The following MEAK7 variants were observed in gnomAD, a reference collection of about 807,000 sequenced individuals.
The protein encoded by MEAK7 is MTOR-associated protein MEAK7.
Under a neutral mutation model 40.5 loss-of-function variants are expected in MEAK7, and 68 were observed. That is an observed-to-expected ratio of 1.68 (90% CI 1.38 to 2.06). The LOEUF is 2.06. Ranked by LOEUF, MEAK7 falls within the 30% of genes most tolerant of loss-of-function variation. The probability of loss-of-function intolerance (pLI) is 0.00; values close to 1 mark genes in which losing one functional copy is unlikely to be tolerated. For synonymous variants in MEAK7, 338 were observed against 231.9 expected, an observed-to-expected ratio of 1.46 and a Z score of -4.16; for missense variants, 918 against 580.5, an observed-to-expected ratio of 1.58 and a Z score of -5.98.
chr16:84,492,029 T>C (rs73249754), intron 3 of MEAK7, among the ~76,000 whole-genome samples: 1 of 152,126 alleles, frequency 6.6e-6, no homozygotes, highest in African/African-American at 2.4e-5. Context: ...AAGCCTCATT[T>C]TGAGACCCAG....
At chr16:84,483,556 T>C (rs1054005691) in intron 5 of MEAK7, among the ~76,000 whole-genome samples, 12 of 152,042 alleles carry the variant, frequency 7.9e-5, no homozygotes, top group African/African-American at 1.7e-4. Context: ...AGGAAGCAAA[T>C]TGGGGGCACC....
At chr16:84,482,850 G>C (rs1912699421) in intron 5 of MEAK7, 140 bp from the exon 6 acceptor site, 3 of 1,337,362 alleles carry the variant, frequency 2.2e-6, no homozygotes, top group African/African-American at 1.5e-5. Flanking sequence ...GGCAGATCAG[G>C]GTTTGGGACA....
rs375235698 is a variant in MEAK7 at position 84,497,508 on chromosome 16, C to T, written c.153+426G>A. 66 of 1,290,404 alleles carry T rather than the reference C, an allele frequency of 5.1e-5. No individual in the cohort carries two copies. In the African/African-American group the frequency reaches 9.4e-4, roughly 18 times the overall value. The allele number at this position is 1,290,404 out of a possible 1,614,324, so 79.9% of individuals were successfully genotyped here. ...AGACCCATCACCGCGTCTGTCTCCC[C>T]ATCTCTGGGAGGGCAGTCAGGAGGG... On this transcript the variant is annotated intron_variant, in intron 2 of 7. Transcript: ENST00000343629.
intron 1 of MEAK7, among the ~76,000 whole-genome samples, chr16:84,502,139 G>A (rs546191079): frequency 2.7e-5 from 4 of 148,776 alleles, no homozygotes; most frequent in South Asian, 4.3e-4. Context: ...AGTGAAACTC[G>A]GTCTCAAAAA....
rs1914554314 is a variant in MEAK7 at position 84,502,159 on chromosome 16, C to T, written c.-26+2442G>A. Among the ~76,000 whole-genome samples, 4 of 150,688 alleles carry T rather than the reference C, an allele frequency of 2.7e-5. No homozygotes were observed. The South Asian group carries it at 8.4e-4, about 32-fold the overall frequency. On this transcript the variant is annotated intron_variant, in intron 1 of 7. Transcript: ENST00000343629. ...AACTCGGTCTCAAAAAAAAAAAAGA[C>T]AATGCACGCTGGTGCTGGTGCTGAC...
intron 5 of MEAK7, among the ~76,000 whole-genome samples, chr16:84,483,476 G>A (rs1166122962): frequency 2.0e-5 from 3 of 152,258 alleles, no homozygotes; most frequent in Admixed American, 2.0e-4. Context: ...ACAACAAGCT[G>A]GAAGGCTGCA....
chr16:84,496,040 C>G (rs971828062), intron 2 of MEAK7, 127 bp from the exon 3 acceptor site: 3 of 977,394 alleles, frequency 3.1e-6, no homozygotes, highest in Non-Finnish European at 3.0e-6. Context: ...TTTAAAGCAT[C>G]TCTGAAAAAG....
At chr16:84,480,416 A>C (rs1229051693) in intron 7 of MEAK7, 113 bp downstream of exon 7, 7 of 1,286,050 alleles carry the variant, frequency 5.4e-6, no homozygotes, top group Non-Finnish European at 6.3e-6. Flanking sequence ...CCAGGATCAA[A>C]TTTGGGATAA....
At chr16:84,498,208 T>A in intron 1 of MEAK7, 97 bp from the exon 2 acceptor site, 1 of 1,384,166 alleles carries the variant, frequency 7.2e-7, no homozygotes, top group Admixed American at 2.4e-5. Context: ...TATATACTGA[T>A]ATAGCCACAA....
At chr16:84,501,105 G>GAAAAAAAAA (rs35447624) in intron 1 of MEAK7, among the ~76,000 whole-genome samples, 5 of 103,628 alleles carry the variant, frequency 4.8e-5, no homozygotes, top group African/African-American at 7.7e-5. Context: ...AAAAAAAAAA[G>GAAAAAAAAA]AAAAAAAAAA....
At chr16:84,490,289 A>AC (rs1265440517) in intron 3 of MEAK7, among the ~76,000 whole-genome samples, 2 of 151,540 alleles carry the variant, frequency 1.3e-5, no homozygotes, top group Non-Finnish European at 2.9e-5. Context: ...GGAAAAAAAA[A>AC]AAAAAGAAGG....
intron 6 of MEAK7, among the ~76,000 whole-genome samples, chr16:84,481,789 C>T (rs975094109): frequency 4.6e-5 from 7 of 152,094 alleles, no homozygotes; most frequent in African/African-American, 1.7e-4. Flanking sequence ...AAAAAATTAG[C>T]CAGGCGTGAT....
intron 1 of MEAK7, among the ~76,000 whole-genome samples, chr16:84,499,686 C>T (rs1914341006): frequency 6.6e-6 from 1 of 152,180 alleles, no homozygotes; most frequent in Admixed American, 6.5e-5. Flanking sequence ...ATGCCCTGGC[C>T]ATCACCCGTC....
chr16:84,487,296 A>C, intron 4 of MEAK7: 2 of 509,166 alleles, frequency 3.9e-6, no homozygotes, highest in Non-Finnish European at 3.4e-6. Flanking sequence ...TACATTTCAA[A>C]ATTGTATTTA....
chr16:84,504,155 A>G, intron 1 of MEAK7: 1 of 985,568 alleles, frequency 1.0e-6, no homozygotes, highest in Non-Finnish European at 1.2e-6. Context: ...GTCCTGGAAA[A>G]GCCCAGATGG....
At chr16:84,490,016 C>T (rs541841148) in intron 3 of MEAK7, among the ~76,000 whole-genome samples, 1 of 152,326 alleles carries the variant, frequency 6.6e-6, no homozygotes, top group South Asian at 2.1e-4. Context: ...AAAAATTCTC[C>T]TGATGACTAA....
In MEAK7 at chr16:84,490,902, A is replaced by G. The variant is rs140607953; in HGVS notation, c.385-1480T>C. On this transcript the variant is annotated intron_variant, in intron 3 of 7. Transcript: ENST00000343629. ...TTAAAGAAAACAGAGAAGGTGCCACACTCGTTTCTGAGAGAAATTTGTTTC... is the reference window on the plus strand; with the variant it reads ...TTAAAGAAAACAGAGAAGGTGCCACGCTCGTTTCTGAGAGAAATTTGTTTC... 3.1e-3 allele frequency among the ~76,000 whole-genome samples: 466 copies of G among 152,232 alleles called. 5 individuals are homozygous for G. The highest frequency in any genetic ancestry group is 0.011 in the African/African-American group (438 of 41,536).
intron 1 of MEAK7, among the ~76,000 whole-genome samples, 156 bp downstream of exon 1, chr16:84,504,445 C>T (rs1367668525): frequency 6.6e-6 from 1 of 151,836 alleles, no homozygotes; most frequent in Non-Finnish European, 1.5e-5. Flanking sequence ...GCAGCCTTCA[C>T]CTCTCCCTCC....
intron 2 of MEAK7, chr16:84,497,318 G>A (rs1914131675): frequency 1.1e-6 from 1 of 946,914 alleles, no homozygotes; most frequent in Non-Finnish European, 1.4e-6. Flanking sequence ...GAAAAACATG[G>A]GCAAATGGGC....
Sources: gnomAD v4.1 joint callset for allele counts (sites outside exome capture counted in the v4.1 genomes callset) on GRCh38, gnomAD v4.1.1 for gene constraint, MANE v1.5 for transcripts, NCBI Gene and HGNC (gene_info 2026-07-23, HGNC 2026-07-21) for gene names.